AKAP7: variants seen among roughly 807,000 people sequenced by gnomAD.
The protein encoded by AKAP7 is A kinase (PRKA) anchor protein 7.
A neutral mutation model predicts 39.5 loss-of-function variants in AKAP7; 39 were observed. The observed-to-expected ratio is 0.99, with a 90% confidence interval of 0.76 to 1.29. The LOEUF (loss-of-function observed/expected upper bound fraction) is 1.29. Ranked by LOEUF, AKAP7 falls within the 50% of genes most tolerant of loss-of-function variation. AKAP7 has a pLI of 0.00. For missense variants in AKAP7, 414 were observed against 407.7 expected, an observed-to-expected ratio of 1.02 and a Z score of -0.13; for synonymous variants, 140 against 139.1, an observed-to-expected ratio of 1.01 and a Z score of -0.05.
chr6:131,262,539 A>G (rs1003201159), intron 7 of AKAP7, among the ~76,000 whole-genome samples: 3 of 152,072 alleles, frequency 2.0e-5, no homozygotes, highest in Non-Finnish European at 4.4e-5. Flanking sequence ...AAAATGATGT[A>G]TTTTTCACAA....
At chr6:131,269,597 A>G (rs999691113) in intron 7 of AKAP7, among the ~76,000 whole-genome samples, 3 of 152,174 alleles carry the variant, frequency 2.0e-5, no homozygotes, top group African/African-American at 7.2e-5. Flanking sequence ...CAGCAAAACA[A>G]ACTGCCATGA....
Position 131,219,826 on chromosome 6 carries a change from A to G in AKAP7, c.850+18A>G, listed in dbSNP as rs9321278. 2.6e-3 allele frequency: 3,790 copies of G among 1,437,694 alleles called. 67 individuals carry two copies. The African/African-American group carries it at 0.043, about 16-fold the overall frequency. The allele number at this position is 1,437,694 out of a possible 1,614,324, so 89.1% of individuals were successfully genotyped here. A position where few individuals can be genotyped will look rare whatever the true frequency, so the allele number is the denominator to read the frequency against. ...TGTGATTGGTGAGTGTCATTTAAAA[A>G]TTATTTATTATCTTTATTTTTAATT... On this transcript the variant is annotated intron_variant, in intron 7 of 7. Transcript: ENST00000431975.
chr6:131,246,669 C>T (rs1462423802), intron 7 of AKAP7, among the ~76,000 whole-genome samples: 1 of 152,098 alleles, frequency 6.6e-6, no homozygotes, highest in East Asian at 1.9e-4. Flanking sequence ...CAGTGCTAGG[C>T]TCCAGCCCCA....
At position 131,215,669 on chromosome 6, in the gene AKAP7, TATA is replaced by T. The variant is rs536239287; in HGVS notation, c.703-3989_703-3987del. Among the ~76,000 whole-genome samples the T allele has an allele frequency of 1.6e-3, 248 of 152,378 alleles. 1 individual carries two copies. Among genetic ancestry groups the T allele is most frequent in the Non-Finnish European group, 2.2e-3 (150 of 68,028 alleles). On this transcript the variant is annotated intron_variant, in intron 6 of 7. Transcript: ENST00000431975. Reference sequence around the variant, plus strand: ...GCCAGGGATAAGCCCCATGCCAATATATAATGTTTTCATAACTTTGAATTGCCA... The same window carrying T: ...GCCAGGGATAAGCCCCATGCCAATATATGTTTTCATAACTTTGAATTGCCA...
chr6:131,135,303 GGGCTC>G (rs1424952347), upstream of AKAP7, among the ~76,000 whole-genome samples: 2 of 152,230 alleles, frequency 1.3e-5, no homozygotes, highest in African/African-American at 4.8e-5. Flanking sequence ...GGAGGCCGCG[GGGCTC>G]GGCAGGCAGG....
intron 7 of AKAP7, among the ~76,000 whole-genome samples, chr6:131,262,827 C>A (rs1447618306): frequency 6.6e-6 from 1 of 152,142 alleles, no homozygotes; most frequent in Non-Finnish European, 1.5e-5. Flanking sequence ...TTTTGCTAAG[C>A]CAATTCTCTC....
In AKAP7 at chr6:131,282,527, AG is replaced by A. The variant is rs1815287186; in HGVS notation, c.*804del. ...GCCTGAGACTCAGGCCAGAATTAGG[AG>A]GGAGCTTTTTGAAGGAAGACTTATT... On this transcript the variant is annotated 3_prime_UTR_variant, in exon 8 of 8. Coordinates refer to ENST00000431975, the MANE Select transcript of AKAP7 (RefSeq NM_016377.4). 2 of 1,535,794 alleles carry A rather than the reference AG, an allele frequency of 1.3e-6. No homozygotes were observed. Among genetic ancestry groups the A allele is most frequent in the South Asian group, 2.4e-5 (2 of 84,050 alleles).
At chr6:131,142,583 C>T (rs1477335693) in intron 1 of AKAP7, among the ~76,000 whole-genome samples, 1 of 152,244 alleles carries the variant, frequency 6.6e-6, no homozygotes, top group Non-Finnish European at 1.5e-5. Context: ...CAGGCAGAAG[C>T]CTGCTGCAGC....
chr6:131,236,177 C>G (rs1811042769), intron 7 of AKAP7, among the ~76,000 whole-genome samples: 1 of 152,038 alleles, frequency 6.6e-6, no homozygotes, highest in Non-Finnish European at 1.5e-5. Context: ...TTCCCCATTG[C>G]TTGTTTTTCT....
At chr6:131,277,030 C>T (rs1814800754) in intron 7 of AKAP7, among the ~76,000 whole-genome samples, 1 of 152,098 alleles carries the variant, frequency 6.6e-6, no homozygotes, top group South Asian at 2.1e-4. Flanking sequence ...TTTTCAATAA[C>T]CACAGATATA....
chr6:131,141,306 C>T (rs1049172550), intron 1 of AKAP7, among the ~76,000 whole-genome samples: 1 of 152,082 alleles, frequency 6.6e-6, no homozygotes, highest in African/African-American at 2.4e-5. Flanking sequence ...CCACCTCCAC[C>T]TCTCTGTCAT....
rs531428879 is a variant in AKAP7, at chr6:131,262,487, T to C, written c.851-19043T>C. On this transcript the variant is annotated intron_variant, in intron 7 of 7. Transcript: ENST00000431975. ...AAGGTGAGCATTTTGTTTATGCCAATGTTCTTATTTCTTTTGGGACAAAAA... is the reference window on the plus strand; with the variant it reads ...AAGGTGAGCATTTTGTTTATGCCAACGTTCTTATTTCTTTTGGGACAAAAA... 5.9e-5 allele frequency among the ~76,000 whole-genome samples: 9 copies of C among 152,326 alleles called. No homozygotes were observed. The South Asian group carries it at 1.9e-3, about 32-fold the overall frequency.
At chr6:131,221,974 T>G (rs1235157800) in intron 7 of AKAP7, among the ~76,000 whole-genome samples, 1 of 152,224 alleles carries the variant, frequency 6.6e-6, no homozygotes, top group Non-Finnish European at 1.5e-5. Context: ...CAAGGCTTAT[T>G]ATTTAAGAAA....
At chr6:131,130,932 G>GA (rs1225285891), upstream of AKAP7, among the ~76,000 whole-genome samples, 2 of 151,850 alleles carry the variant, frequency 1.3e-5, no homozygotes, top group Non-Finnish European at 2.9e-5. Context: ...GGGAAAAAAA[G>GA]AAAAAAATAG....
intron 2 of AKAP7, among the ~76,000 whole-genome samples, chr6:131,158,400 T>C (rs891196801): frequency 2.0e-5 from 3 of 152,196 alleles, no homozygotes; most frequent in African/African-American, 7.2e-5. Context: ...ACCAACCGAA[T>C]AGGATTGAAT....
chr6:131,175,697 T>G (rs1804506203), intron 5 of AKAP7, among the ~76,000 whole-genome samples: 1 of 152,190 alleles, frequency 6.6e-6, no homozygotes, highest in Non-Finnish European at 1.5e-5. Context: ...TCTGCCCTCC[T>G]GCCCTTCCCT....
At chr6:131,276,476 C>G (rs113641356) in intron 7 of AKAP7, among the ~76,000 whole-genome samples, 11 of 152,070 alleles carry the variant, frequency 7.2e-5, no homozygotes, top group African/African-American at 2.7e-4. Flanking sequence ...GTATGCCATC[C>G]TAACTTTGTG....
intron 2 of AKAP7, among the ~76,000 whole-genome samples, chr6:131,150,643 C>G (rs1801839447): frequency 6.6e-6 from 1 of 152,104 alleles, no homozygotes; most frequent in African/African-American, 2.4e-5. Flanking sequence ...AAAATTGGAA[C>G]AAGCCCAATC....
chr6:131,176,325 A>G (rs1327228895), intron 5 of AKAP7, among the ~76,000 whole-genome samples: 1 of 151,812 alleles, frequency 6.6e-6, no homozygotes, highest in Non-Finnish European at 1.5e-5. Flanking sequence ...CTTCTTTCCT[A>G]GAATTACCCA....
Sources: allele counts gnomAD v4.1 joint callset (sites outside exome capture counted in the v4.1 genomes callset), GRCh38; gene constraint gnomAD v4.1.1; transcripts MANE v1.5; gene names NCBI Gene and HGNC (gene_info 2026-07-23, HGNC 2026-07-21).